The following ELP4 variants were observed in gnomAD, a reference collection of about 807,000 sequenced individuals.
ELP4 encodes elongator complex protein 4.
ELP4 carries 51 observed loss-of-function variants against 48.9 expected under a neutral mutation model. That is an observed-to-expected ratio of 1.04 (90% CI 0.83 to 1.32). The LOEUF is 1.32. Among genes scored for constraint, ELP4 ranks in the 40% most tolerant of loss-of-function variants. The probability of loss-of-function intolerance (pLI) is 0.00; values close to 1 mark genes in which losing one functional copy is unlikely to be tolerated. For synonymous variants in ELP4, 210 were observed against 189.2 expected (o/e 1.11, Z -0.90); for missense variants, 519 against 514.6 (o/e 1.01, Z -0.08).
chr11:31,658,806 T>C (rs546055462), intron 9 of ELP4, among the ~76,000 whole-genome samples: 1 of 152,056 alleles, frequency 6.6e-6, no homozygotes, highest in Admixed American at 6.6e-5. Flanking sequence ...AAGGGTCTAC[T>C]GAATTCATTT....
chr11:31,615,342 A>G (rs1379619154), intron 5 of ELP4, among the ~76,000 whole-genome samples: 1 of 152,062 alleles, frequency 6.6e-6, no homozygotes, highest in Non-Finnish European at 1.5e-5. Flanking sequence ...AGAAAAAGAT[A>G]CAGAAATGAC....
chr11:31,593,133 T>C (rs910013011), intron 3 of ELP4, among the ~76,000 whole-genome samples: 3 of 152,190 alleles, frequency 2.0e-5, no homozygotes, highest in African/African-American at 7.2e-5. Context: ...AATCTAACAT[T>C]TGTAGGATTC....
At chr11:31,636,388 A>G (rs1944978285) in intron 7 of ELP4, among the ~76,000 whole-genome samples, 1 of 151,780 alleles carries the variant, frequency 6.6e-6, no homozygotes, top group African/African-American at 2.4e-5. Context: ...ATATAAATTA[A>G]TATTAAAGGT....
At position 31,545,404 on chromosome 11, in the gene ELP4, T is replaced by C. The variant is rs528904011; in HGVS notation, c.381+5621T>C. 4.0e-4 allele frequency among the ~76,000 whole-genome samples: 61 copies of C among 151,896 alleles called. 1 individual carries two copies. Among genetic ancestry groups the C allele is most frequent in the African/African-American group, 1.4e-3 (57 of 41,428 alleles). On this transcript the variant is annotated intron_variant, in intron 3 of 9. Transcript: ENST00000640961. The stretch of plus-strand genomic sequence containing the variant: ...TATCAGCGATGGAAGATGAAATGAA[T>C]AAAATGAAGCGAGAAGGGAAGTTTA...
At chr11:31,538,038 T>C (rs1440547474) in intron 2 of ELP4, among the ~76,000 whole-genome samples, 2 of 152,164 alleles carry the variant, frequency 1.3e-5, no homozygotes, top group African/African-American at 4.8e-5. Context: ...TCAGAATGTT[T>C]TGTACTTTTC....
At chr11:31,545,049 G>A (rs1292347401) in intron 3 of ELP4, among the ~76,000 whole-genome samples, 1 of 151,962 alleles carries the variant, frequency 6.6e-6, no homozygotes, top group African/African-American at 2.4e-5. Flanking sequence ...CACAAAGATG[G>A]GAAAAAAACA....
In ELP4 at chr11:31,789,533, A is replaced by G. The variant is rs1262902249; in HGVS notation, c.*6009A>G. Reference sequence around the variant, plus strand: ...GAAGTATTCGATATATCTTGATAAAACTCTTAAATTCGTGGCAAAGCTTGT... The same window carrying G: ...GAAGTATTCGATATATCTTGATAAAGCTCTTAAATTCGTGGCAAAGCTTGT... On this transcript the variant is annotated 3_prime_UTR_variant, in exon 10 of 10. Transcript: ENST00000640961. The G allele has an allele frequency of 6.7e-6, 4 of 598,852 alleles. No homozygotes were observed. Among genetic ancestry groups the G allele is most frequent in the Non-Finnish European group, 1.2e-5 (4 of 341,458 alleles). The allele number at this position is 598,852 out of a possible 1,614,324, so 37.1% of individuals were successfully genotyped here.
At chr11:31,675,217 G>T (rs1945896480) in intron 9 of ELP4, among the ~76,000 whole-genome samples, 1 of 152,078 alleles carries the variant, frequency 6.6e-6, no homozygotes, top group Non-Finnish European at 1.5e-5. Context: ...CAGAATTGTT[G>T]CCCCCAAGAG....
intron 9 of ELP4, among the ~76,000 whole-genome samples, chr11:31,677,668 A>G (rs1190581823): frequency 6.6e-6 from 1 of 152,212 alleles, no homozygotes; most frequent in Non-Finnish European, 1.5e-5. Context: ...GGAATGAAAT[A>G]CTTAACATTG....
At chr11:31,588,557 A>G (rs1957515168) in intron 3 of ELP4, among the ~76,000 whole-genome samples, 2 of 152,242 alleles carry the variant, frequency 1.3e-5, no homozygotes, top group South Asian at 2.1e-4. Context: ...TCTTCTTTGT[A>G]CTTCTCCGCG....
chr11:31,552,074 G>A (rs529325083), intron 3 of ELP4, among the ~76,000 whole-genome samples: 4 of 152,144 alleles, frequency 2.6e-5, no homozygotes, highest in African/African-American at 9.6e-5. Context: ...CATCTGACTT[G>A]CCTCATCAAT....
At chr11:31,707,250 T>C (rs1946653458) in intron 9 of ELP4, 1 of 359,748 alleles carries the variant, frequency 2.8e-6, no homozygotes, top group East Asian at 4.0e-5. Flanking sequence ...CATGTAAGTA[T>C]ATATATGAAA....
chr11:31,670,581 AT>A (rs1192494769), intron 9 of ELP4, among the ~76,000 whole-genome samples: 1 of 152,026 alleles, frequency 6.6e-6, no homozygotes, highest in Non-Finnish European at 1.5e-5. Flanking sequence ...AAGAGTAATA[AT>A]TTTATGCTAG....
intron 3 of ELP4, among the ~76,000 whole-genome samples, chr11:31,545,046 A>T (rs1956674305): frequency 6.6e-6 from 1 of 152,168 alleles, no homozygotes; most frequent in African/African-American, 2.4e-5. Flanking sequence ...AACCACAAAG[A>T]TGGGAAAAAA....
At chr11:31,610,518 C>A (rs1423898167) in intron 5 of ELP4, among the ~76,000 whole-genome samples, 8 of 152,154 alleles carry the variant, frequency 5.3e-5, no homozygotes, top group Non-Finnish European at 1.0e-4. Flanking sequence ...CTCCCTTCCC[C>A]CCTCCGTATT....
At chr11:31,778,401 G>A (rs1948293330) in intron 9 of ELP4, among the ~76,000 whole-genome samples, 1 of 152,182 alleles carries the variant, frequency 6.6e-6, no homozygotes, top group Non-Finnish European at 1.5e-5. Context: ...CTGAGACCTG[G>A]TGGCTAAGTC....
chr11:31,557,707 G>A (rs1956952437), intron 3 of ELP4, among the ~76,000 whole-genome samples: 1 of 151,884 alleles, frequency 6.6e-6, no homozygotes, highest in Non-Finnish European at 1.5e-5. Context: ...ATATACCATT[G>A]AACATTTTTA....
At chr11:31,674,082 T>C (rs1945866799) in intron 9 of ELP4, among the ~76,000 whole-genome samples, 1 of 152,176 alleles carries the variant, frequency 6.6e-6, no homozygotes, top group Non-Finnish European at 1.5e-5. Context: ...CCTTTGGAGG[T>C]ATCTTTCGTG....
chr11:31,665,496 A>C (rs916528421), intron 9 of ELP4, among the ~76,000 whole-genome samples: 1 of 152,062 alleles, frequency 6.6e-6, no homozygotes, highest in Non-Finnish European at 1.5e-5. Context: ...AAAAACTATA[A>C]AGTCATTTTT....
Sources: allele counts gnomAD v4.1 joint callset (sites outside exome capture counted in the v4.1 genomes callset), GRCh38; gene constraint gnomAD v4.1.1; transcripts MANE v1.5; gene names NCBI Gene and HGNC (gene_info 2026-07-23, HGNC 2026-07-21).